MEIS2: variants seen among roughly 807,000 people sequenced by gnomAD.
The protein encoded by MEIS2 is Meis homeobox 2.
A neutral mutation model predicts 58.6 loss-of-function variants in MEIS2; 9 were observed. The ratio of observed to expected loss-of-function variants is 0.15; its 90% CI spans 0.09 to 0.27. The LOEUF is 0.27. MEIS2 is among the 10% of genes least tolerant of loss of function. The pLI is 1.00. For synonymous variants in MEIS2, 221 were observed against 228.4 expected, an observed-to-expected ratio of 0.97 and a Z score of 0.29; for missense variants, 427 against 635.0, an observed-to-expected ratio of 0.67 and a Z score of 3.52.
At chr15:37,009,870 T>G (rs1210701771) in intron 8 of MEIS2, among the ~76,000 whole-genome samples, 2 of 152,202 alleles carry the variant, frequency 1.3e-5, no homozygotes, top group African/African-American at 4.8e-5. Context: ...AGAGTAAATA[T>G]GGATATGAAT....
intron 8 of MEIS2, among the ~76,000 whole-genome samples, chr15:37,006,352 T>C (rs980752097): frequency 6.6e-6 from 1 of 152,248 alleles, no homozygotes; most frequent in Non-Finnish European, 1.5e-5. Flanking sequence ...TGTTTGGGTA[T>C]CGTAACCATA....
Position 37,096,091 on chromosome 15 carries a change from G to C in MEIS2, c.387+198C>G. 6 of 562,554 alleles carry C rather than the reference G, an allele frequency of 1.1e-5. No individual in the cohort carries two copies. The East Asian group carries it at 1.5e-4, about 14-fold the overall frequency. The allele number at this position is 562,554 out of a possible 1,614,324, so 34.8% of individuals were successfully genotyped here. ...GTCGACCCCTGTATTCCTGCTGGGG[G>C]GGAAAACAAACACCCATATTTATCT... On this transcript the variant is annotated intron_variant, in intron 3 of 11. Transcript: ENST00000561208.
Position 37,049,988 on chromosome 15 carries a change from T to C in MEIS2, c.755-13029A>G, listed in dbSNP as rs1403807065. ...ATATATGTACTTGAAAAATTTGCAA[T>C]AGATATTATGCTGCTTATATTACAA... On this transcript the variant is annotated intron_variant, in intron 7 of 11. Coordinates refer to ENST00000561208, the MANE Select transcript of MEIS2 (RefSeq NM_170675.5). 3.3e-5 allele frequency among the ~76,000 whole-genome samples: 5 copies of C among 152,276 alleles called. No individual in the cohort carries two copies. In the East Asian group the frequency reaches 9.6e-4, roughly 29 times the overall value.
In MEIS2 at chr15:37,083,661, C is replaced by T. The variant is rs1892526310; in HGVS notation, c.754+110G>A. On this transcript the variant is annotated intron_variant, in intron 7 of 11. Transcript: ENST00000561208. ...TTTAAATAGCAGCTGATTCTACTCC[C>T]TAACCTGCCACTCTCCTGTTTACAT... 3 of 753,336 alleles carry T rather than the reference C, an allele frequency of 4.0e-6. No homozygotes were observed. In the South Asian group the frequency reaches 6.3e-5, roughly 16 times the overall value. The allele number at this position is 753,336 out of a possible 1,614,324, so 46.7% of individuals were successfully genotyped here.
chr15:36,894,479 C>G, intron 11 of MEIS2: 1 of 320,366 alleles, frequency 3.1e-6, no homozygotes, highest in Non-Finnish European at 5.8e-6. Flanking sequence ...AGTAAATAGG[C>G]TAAAAGGCAG....
At chr15:37,018,798 G>T (rs1399916490) in intron 8 of MEIS2, among the ~76,000 whole-genome samples, 5 of 152,170 alleles carry the variant, frequency 3.3e-5, no homozygotes, top group Admixed American at 3.3e-4. Flanking sequence ...AATGGCAGGG[G>T]GTAAGGCACA....
intron 9 of MEIS2, among the ~76,000 whole-genome samples, chr15:36,920,855 TAGACTGGAACTGACC>T (rs1371623940): frequency 6.6e-6 from 1 of 152,194 alleles, no homozygotes; most frequent in Non-Finnish European, 1.5e-5. Flanking sequence ...ATCCTTTACC[TAGACTGGAACTGACC>T]AGTCTGACAA....
intron 8 of MEIS2, among the ~76,000 whole-genome samples, chr15:36,954,793 G>C (rs1037371381): frequency 9.2e-5 from 14 of 152,320 alleles, no homozygotes; most frequent in Non-Finnish European, 1.2e-4. Flanking sequence ...TTGTTGGGTA[G>C]AGTCTTAGTT....
chr15:36,914,147 C>T (rs2057165273), intron 9 of MEIS2, among the ~76,000 whole-genome samples: 1 of 152,180 alleles, frequency 6.6e-6, no homozygotes, highest in African/African-American at 2.4e-5. Context: ...CTGAGCAGCA[C>T]TAGCCACCAA....
intron 7 of MEIS2, among the ~76,000 whole-genome samples, chr15:37,059,218 G>A (rs920671300): frequency 5.3e-5 from 8 of 152,174 alleles, no homozygotes; most frequent in Non-Finnish European, 1.0e-4. Flanking sequence ...CTGCCCAGAT[G>A]AATAATATAA....
rs1273461984 is a variant in MEIS2 at position 37,073,040 on chromosome 15, G to T, written c.754+10731C>A. Reference sequence around the variant, plus strand: ...TGAGGAAAGAGATCACATCTTGTTTGCTTCATACCCTAGAACCCAGGACAG... The same window carrying T: ...TGAGGAAAGAGATCACATCTTGTTTTCTTCATACCCTAGAACCCAGGACAG... On this transcript the variant is annotated intron_variant, in intron 7 of 11. Coordinates refer to ENST00000561208, the MANE Select transcript of MEIS2 (RefSeq NM_170675.5). Among the ~76,000 whole-genome samples the T allele has an allele frequency of 3.9e-5, 6 of 152,002 alleles. No individual in the cohort carries two copies. In the East Asian group the frequency reaches 1.2e-3, roughly 29 times the overall value.
intron 8 of MEIS2, among the ~76,000 whole-genome samples, chr15:36,989,388 G>A (rs550794215): frequency 4.9e-4 from 74 of 152,160 alleles, no homozygotes; most frequent in Admixed American, 1.5e-3. Flanking sequence ...CAGTATTCGC[G>A]TTTGAAAATA....
intron 7 of MEIS2, among the ~76,000 whole-genome samples, chr15:37,059,759 A>G (rs1888939321): frequency 6.6e-6 from 1 of 152,054 alleles, no homozygotes; most frequent in Non-Finnish European, 1.5e-5. Flanking sequence ...CGACACAATG[A>G]AACTCCATCT....
At chr15:36,918,978 C>T (rs1314044529) in intron 9 of MEIS2, among the ~76,000 whole-genome samples, 5 of 152,068 alleles carry the variant, frequency 3.3e-5, no homozygotes, top group Admixed American at 2.0e-4. Context: ...AGATTTTAGG[C>T]CAGGCACATT....
chr15:37,098,107 C>G lies in MEIS2; in HGVS notation c.105G>C (p.Pro35=), dbSNP rs747612320. Residue 35 remains proline (P), a synonymous_variant, in exon 2 of 12, where the codon CCG becomes CCC. Transcript: ENST00000561208. ...GCGGCCCGTGGTTCAGGTGGTGAAC[C>G]GGGGGGATCGGCCGCGGCGCGTGAG... ...GDPHAPRPIP[P]VHHLNHGPPL... 7 of 1,613,474 alleles carry G rather than the reference C, an allele frequency of 4.3e-6. No homozygotes were observed. In the African/African-American group the frequency reaches 9.3e-5, roughly 22 times the overall value.
chr15:37,070,956 A>G (rs1196950795), intron 7 of MEIS2, among the ~76,000 whole-genome samples: 1 of 152,074 alleles, frequency 6.6e-6, no homozygotes, highest in Non-Finnish European at 1.5e-5. Context: ...AGGGAAGCAT[A>G]CGGGTCTGCT....
chr15:36,894,622 A>G (rs1404992419), intron 11 of MEIS2: 3 of 999,652 alleles, frequency 3.0e-6, no homozygotes, highest in East Asian at 5.1e-5. Context: ...GCATGCAGTT[A>G]TGGGCAAGGA....
intron 9 of MEIS2, among the ~76,000 whole-genome samples, chr15:36,937,872 T>A (rs2058232788): frequency 6.6e-6 from 1 of 152,228 alleles, no homozygotes; most frequent in Non-Finnish European, 1.5e-5. Flanking sequence ...AAAATTTTTA[T>A]GACACAAAAA....
At chr15:36,962,449 A>G (rs926809809) in intron 8 of MEIS2, among the ~76,000 whole-genome samples, 1 of 152,206 alleles carries the variant, frequency 6.6e-6, no homozygotes, top group East Asian at 1.9e-4. Flanking sequence ...ATCCTCCTGT[A>G]TACTTTAAAT....
Sources: gnomAD v4.1 joint callset for allele counts (sites outside exome capture counted in the v4.1 genomes callset) on GRCh38, gnomAD v4.1.1 for gene constraint, MANE v1.5 for transcripts, NCBI Gene and HGNC (gene_info 2026-07-23, HGNC 2026-07-21) for gene names.